IQCJ: variants seen among roughly 807,000 people sequenced by gnomAD.
IQCJ encodes IQ motif containing J, also known as IQ domain-containing protein J.
In IQCJ, 9 loss-of-function variants were observed where a neutral mutation model predicts 11.0. The observed-to-expected ratio is 0.82, with a 90% CI of 0.49 to 1.43. The LOEUF (loss-of-function observed/expected upper bound fraction) is 1.43. Ranked by LOEUF, IQCJ falls within the 40% of genes most tolerant of loss-of-function variation. The pLI, the probability that IQCJ is intolerant of heterozygous loss-of-function variation, is 0.00. For missense variants in IQCJ, 146 were observed against 133.2 expected, an observed-to-expected ratio of 1.10 and a Z score of -0.47; for synonymous variants, 55 against 51.3, an observed-to-expected ratio of 1.07 and a Z score of -0.31.
At chr3:159,194,485 A>T (rs887991727) in intron 1 of IQCJ, among the ~76,000 whole-genome samples, 1 of 152,206 alleles carries the variant, frequency 6.6e-6, no homozygotes, top group African/African-American at 2.4e-5. Flanking sequence ...GTTCTATAAC[A>T]ATATCTCCTA....
At position 159,182,882 on chromosome 3, in the gene IQCJ, G is replaced by A. The variant is rs548593149; in HGVS notation, c.10-62961G>A. 2.9e-4 allele frequency among the ~76,000 whole-genome samples: 44 copies of A among 151,874 alleles called. No individual in the cohort carries two copies. In the South Asian group the frequency reaches 4.8e-3, roughly 16 times the overall value. On this transcript the variant is annotated intron_variant, in intron 1 of 3. Transcript: ENST00000397832. ...TTAACTACCAGGCCCAGGGTGTGGC[G>A]CCAGGCTGTCTGCTTGTGGATTTCA...
At chr3:159,076,768 A>G (rs1336184548) in intron 1 of IQCJ, among the ~76,000 whole-genome samples, 6 of 152,150 alleles carry the variant, frequency 3.9e-5, no homozygotes, top group Non-Finnish European at 7.4e-5. Context: ...GACAGAATGC[A>G]TAAGTGGATA....
intron 1 of IQCJ, among the ~76,000 whole-genome samples, chr3:159,181,330 G>A (rs940906174): frequency 6.7e-6 from 1 of 149,822 alleles, no homozygotes; most frequent in Non-Finnish European, 1.5e-5. Context: ...TTAGTGCTCT[G>A]TTCTTAGTTT....
intron 1 of IQCJ, among the ~76,000 whole-genome samples, chr3:159,243,575 A>T (rs567099003): frequency 1.3e-5 from 2 of 152,354 alleles, no homozygotes; most frequent in Non-Finnish European, 2.9e-5. Context: ...ATCTACACAG[A>T]TAGAAATCAG....
chr3:159,156,725 C>T (rs1036548616), intron 1 of IQCJ, among the ~76,000 whole-genome samples: 4 of 152,092 alleles, frequency 2.6e-5, no homozygotes, highest in South Asian at 2.1e-4. Context: ...CCAGGTGTTC[C>T]ACTTTTGCAT....
At chr3:159,241,302 G>T (rs779224663) in intron 1 of IQCJ, among the ~76,000 whole-genome samples, 49 of 152,068 alleles carry the variant, frequency 3.2e-4, no homozygotes, top group Non-Finnish European at 5.7e-4. Flanking sequence ...CCAGCTACTC[G>T]GGAGGCTGAG....
chr3:159,192,925 T>C (rs573237369), intron 1 of IQCJ, among the ~76,000 whole-genome samples: 1 of 152,328 alleles, frequency 6.6e-6, no homozygotes, highest in African/African-American at 2.4e-5. Flanking sequence ...AGCCCTGCAA[T>C]GCAGCTGGTC....
chr3:159,142,907 A>T (rs996613402), intron 1 of IQCJ, among the ~76,000 whole-genome samples: 2 of 152,210 alleles, frequency 1.3e-5, no homozygotes, highest in Non-Finnish European at 2.9e-5. Context: ...ATATATATGT[A>T]AGCCTTCAGC....
intron 1 of IQCJ, among the ~76,000 whole-genome samples, chr3:159,112,101 A>G (rs1417037664): frequency 6.6e-6 from 1 of 152,138 alleles, no homozygotes; most frequent in African/African-American, 2.4e-5. Flanking sequence ...TGCCATAGGC[A>G]CTCAATAAAT....
intron 1 of IQCJ, among the ~76,000 whole-genome samples, chr3:159,191,521 TTCCCTG>T: frequency 6.6e-6 from 1 of 152,266 alleles, no homozygotes; most frequent in South Asian, 2.1e-4. Flanking sequence ...TCATCGTGTT[TTCCCTG>T]TCATTGCTGA....
chr3:159,163,798 C>A (rs1391486752), intron 1 of IQCJ, among the ~76,000 whole-genome samples: 1 of 152,180 alleles, frequency 6.6e-6, no homozygotes. Flanking sequence ...ACACTAGTAG[C>A]AGAACCATAC....
intron 1 of IQCJ, among the ~76,000 whole-genome samples, chr3:159,229,012 T>C (rs1726029461): frequency 6.6e-6 from 1 of 152,184 alleles, no homozygotes; most frequent in African/African-American, 2.4e-5. Context: ...AGGGGGTAAA[T>C]GGAACTTCTA....
chr3:159,190,504 T>C (rs2108038623), intron 1 of IQCJ, among the ~76,000 whole-genome samples: 1 of 152,278 alleles, frequency 6.6e-6, no homozygotes, highest in Non-Finnish European at 1.5e-5. Context: ...GAATCATAAG[T>C]AGGAAGGACT....
intron 1 of IQCJ, among the ~76,000 whole-genome samples, chr3:159,227,793 C>A (rs147235155): frequency 6.6e-6 from 1 of 152,174 alleles, no homozygotes; most frequent in Non-Finnish European, 1.5e-5. Context: ...TTCGGAAGAG[C>A]CTTTCCAATA....
intron 1 of IQCJ, among the ~76,000 whole-genome samples, chr3:159,221,720 T>A (rs1037563902): frequency 8.6e-5 from 13 of 151,920 alleles, no homozygotes; most frequent in African/African-American, 3.1e-4. Context: ...ACCAGTGCAG[T>A]TTTAAAAAGC....
At chr3:159,077,898 CA>C (rs1240945901) in intron 1 of IQCJ, among the ~76,000 whole-genome samples, 2 of 151,990 alleles carry the variant, frequency 1.3e-5, no homozygotes, top group Non-Finnish European at 2.9e-5. Flanking sequence ...GTCCTTCTTG[CA>C]AATGTAATCC....
chr3:159,158,753 G>A (rs1309116030), intron 1 of IQCJ, among the ~76,000 whole-genome samples: 1 of 152,214 alleles, frequency 6.6e-6, no homozygotes, highest in Non-Finnish European at 1.5e-5. Flanking sequence ...AATGAAGGAT[G>A]TAGCCATGTC....
At chr3:159,127,143 A>G (rs1426627693) in intron 1 of IQCJ, among the ~76,000 whole-genome samples, 1 of 152,244 alleles carries the variant, frequency 6.6e-6, no homozygotes, top group East Asian at 1.9e-4. Flanking sequence ...CACATTTTGA[A>G]GGTTGATTGT....
chr3:159,180,597 G>A (rs1385097883), intron 1 of IQCJ, among the ~76,000 whole-genome samples: 1 of 151,884 alleles, frequency 6.6e-6, no homozygotes, highest in Non-Finnish European at 1.5e-5. Flanking sequence ...GAGAGATAGG[G>A]CAGGAGAGAG....
Sources: gnomAD v4.1 joint callset for allele counts (sites outside exome capture counted in the v4.1 genomes callset) on GRCh38, gnomAD v4.1.1 for gene constraint, MANE v1.5 for transcripts, NCBI Gene and HGNC (gene_info 2026-07-23, HGNC 2026-07-21) for gene names.